The following KLHL2 variants were observed in gnomAD, a reference collection of about 807,000 sequenced individuals.
KLHL2 encodes kelch like family member 2, also known as kelch-like protein 2.
In KLHL2, 15 loss-of-function variants were observed where a neutral mutation model predicts 75.8. The observed-to-expected ratio is 0.20, with a 90% CI of 0.13 to 0.30. The LOEUF is 0.30. Ranked by LOEUF, KLHL2 falls within the 10% of genes least tolerant of loss-of-function variation. KLHL2 has a pLI of 1.00. For missense variants in KLHL2, 381 were observed against 741.0 expected (o/e 0.51, Z 5.64); for synonymous variants, 214 against 251.9 (o/e 0.85, Z 1.42).
chr4:165,235,013 A>G (rs1008133380), intron 3 of KLHL2, among the ~76,000 whole-genome samples: 1 of 152,090 alleles, frequency 6.6e-6, no homozygotes, highest in African/African-American at 2.4e-5. Flanking sequence ...AAAAAGGTAG[A>G]GATGATGTGG....
At chr4:165,309,630 A>G (rs57973899) in intron 9 of KLHL2, among the ~76,000 whole-genome samples, 3,121 of 152,302 alleles carry the variant, frequency 0.02, 94 homozygotes, top group African/African-American at 0.071. Context: ...CAATAAAACT[A>G]TATTTATGGA....
chr4:165,316,618 A>T (rs1183959350), intron 13 of KLHL2, among the ~76,000 whole-genome samples: 2 of 147,312 alleles, frequency 1.4e-5, no homozygotes, highest in Non-Finnish European at 2.9e-5. Context: ...AGCATTTACC[A>T]TTAGACTCAG....
chr4:165,243,896 G>A (rs1740016539), intron 4 of KLHL2, among the ~76,000 whole-genome samples: 1 of 152,162 alleles, frequency 6.6e-6, no homozygotes, highest in African/African-American at 2.4e-5. Flanking sequence ...CACCAAAACA[G>A]AATACATGTG....
At chr4:165,222,554 C>T (rs971839623) in intron 2 of KLHL2, among the ~76,000 whole-genome samples, 6 of 152,028 alleles carry the variant, frequency 3.9e-5, no homozygotes, top group African/African-American at 1.5e-4. Flanking sequence ...GTCTATAACC[C>T]GGATTGTTTT....
intron 5 of KLHL2, chr4:165,279,576 G>A (rs528581988): frequency 1.9e-5 from 31 of 1,598,424 alleles, no homozygotes; most frequent in African/African-American, 9.4e-5. Flanking sequence ...ACCAAAAAGC[G>A]CGTGGAACTG....
chr4:165,306,121 A>G (rs1413208098), intron 9 of KLHL2, among the ~76,000 whole-genome samples: 1 of 152,246 alleles, frequency 6.6e-6, no homozygotes, highest in African/African-American at 2.4e-5. Flanking sequence ...CTGTTTTACA[A>G]ACATTTGTTG....
At chr4:165,296,077 T>C (rs1360591938) in intron 6 of KLHL2, among the ~76,000 whole-genome samples, 3 of 152,180 alleles carry the variant, frequency 2.0e-5, no homozygotes, top group Non-Finnish European at 4.4e-5. Context: ...TGCAGAACAA[T>C]AGGGACAGCT....
chr4:165,320,034 A>G (rs1746850447), intron 14 of KLHL2, among the ~76,000 whole-genome samples: 1 of 152,170 alleles, frequency 6.6e-6, no homozygotes. Flanking sequence ...AAATGTCAAG[A>G]TAACAGGAGA....
chr4:165,279,238 A>G, intron 5 of KLHL2: 7 of 1,538,282 alleles, frequency 4.6e-6, no homozygotes, highest in South Asian at 3.4e-5. Context: ...TGGACTTGAC[A>G]AAGTTATTAT....
intron 5 of KLHL2, among the ~76,000 whole-genome samples, chr4:165,289,639 T>G (rs1302341861): frequency 6.7e-6 from 1 of 150,310 alleles, no homozygotes; most frequent in Non-Finnish European, 1.5e-5. Context: ...TTTGATACAC[T>G]AGGAAAGAAT....
chr4:165,270,492 G>T (rs1401258842), intron 5 of KLHL2, among the ~76,000 whole-genome samples: 2 of 152,162 alleles, frequency 1.3e-5, no homozygotes, highest in Non-Finnish European at 2.9e-5. Flanking sequence ...TTGGGGACCT[G>T]CAGATGGGGT....
chr4:165,281,297 C>G (rs1246029163), intron 5 of KLHL2, among the ~76,000 whole-genome samples: 2 of 141,452 alleles, frequency 1.4e-5, no homozygotes, highest in Admixed American at 1.4e-4. Context: ...ACCTGATGCT[C>G]TCTCTCTCTC....
intron 11 of KLHL2, 33 bp downstream of exon 11, chr4:165,311,598 G>A: frequency 6.8e-7 from 1 of 1,479,582 alleles, no homozygotes; most frequent in Non-Finnish European, 9.4e-7. Context: ...GGTACATGTG[G>A]CATTTTGATC....
intron 5 of KLHL2, among the ~76,000 whole-genome samples, chr4:165,281,426 C>T (rs1304079247): frequency 6.6e-6 from 1 of 151,962 alleles, no homozygotes; most frequent in East Asian, 1.9e-4. Flanking sequence ...CGCCATTCTC[C>T]TGCCTCAGCC....
intron 1 of KLHL2, among the ~76,000 whole-genome samples, chr4:165,218,228 G>A (rs1353755371): frequency 6.6e-6 from 1 of 152,086 alleles, no homozygotes; most frequent in Non-Finnish European, 1.5e-5. Context: ...AAGTCGGATT[G>A]TATCACTCTT....
chr4:165,301,988 C>A (rs1745386652), intron 8 of KLHL2, among the ~76,000 whole-genome samples: 1 of 151,950 alleles, frequency 6.6e-6, no homozygotes, highest in Non-Finnish European at 1.5e-5. Context: ...TGTTCCTGGA[C>A]TTCTCTGGTT....
intron 3 of KLHL2, among the ~76,000 whole-genome samples, chr4:165,231,240 G>C (rs1327238638): frequency 6.6e-6 from 1 of 152,074 alleles, no homozygotes; most frequent in Non-Finnish European, 1.5e-5. Flanking sequence ...GATTGCTTGA[G>C]GGGTTCAAGA....
chr4:165,309,323 G>C (rs1312193781), intron 9 of KLHL2, among the ~76,000 whole-genome samples: 2 of 152,178 alleles, frequency 1.3e-5, no homozygotes, highest in African/African-American at 4.8e-5. Context: ...CTTTAACTGA[G>C]GATTCAGAGT....
At chr4:165,294,512 T>C in intron 6 of KLHL2, 44 bp downstream of exon 6, 3 of 817,352 alleles carry the variant, frequency 3.7e-6, no homozygotes, top group African/African-American at 1.8e-5. Context: ...ATGTTTCCCT[T>C]TTTTTTTTTT....
Sources: gnomAD v4.1 joint callset for allele counts (sites outside exome capture counted in the v4.1 genomes callset) on GRCh38, gnomAD v4.1.1 for gene constraint, MANE v1.5 for transcripts, NCBI Gene and HGNC (gene_info 2026-07-23, HGNC 2026-07-21) for gene names.